Variants in GRIK4 observed in about 807,000 individuals in gnomAD.
GRIK4 encodes the protein glutamate receptor ionotropic, kainate 4.
A neutral mutation model predicts 104.9 loss-of-function variants in GRIK4; 40 were observed. That is an observed-to-expected ratio of 0.38 (90% confidence interval 0.30 to 0.50). The LOEUF is 0.50. GRIK4 is among the 20% of genes least tolerant of loss of function. The probability of loss-of-function intolerance (pLI) is 0.93; values close to 1 mark genes in which losing one functional copy is unlikely to be tolerated. For synonymous variants in GRIK4, 485 were observed against 524.9 expected (o/e 0.92, Z 1.04); for missense variants, 1,047 against 1,308.1 (o/e 0.80, Z 3.08).
intron 13 of GRIK4, among the ~76,000 whole-genome samples, chr11:120,921,423 A>G (rs1943225683): frequency 6.6e-6 from 1 of 152,252 alleles, no homozygotes; most frequent in South Asian, 2.1e-4. Flanking sequence ...ATGCCAAAGC[A>G]CTTGGAGCCT....
chr11:120,548,790 C>T (rs923335996), intron 1 of GRIK4, among the ~76,000 whole-genome samples: 4 of 152,128 alleles, frequency 2.6e-5, no homozygotes, highest in African/African-American at 9.7e-5. Context: ...CACACAAAAC[C>T]CTGAAATCCC....
chr11:120,652,467 G>A (rs977804674), intron 1 of GRIK4, among the ~76,000 whole-genome samples: 1 of 152,152 alleles, frequency 6.6e-6, no homozygotes, highest in Admixed American at 6.5e-5. Flanking sequence ...CCCTCAAGGA[G>A]GCCACAGAGG....
At chr11:120,624,363 G>GC (rs1432822469) in intron 1 of GRIK4, among the ~76,000 whole-genome samples, 2 of 151,944 alleles carry the variant, frequency 1.3e-5, no homozygotes, top group Non-Finnish European at 2.9e-5. Flanking sequence ...CTCCATTGGT[G>GC]CCCCCTCCCT....
chr11:120,844,932 T>C (rs1014668460), intron 8 of GRIK4, among the ~76,000 whole-genome samples: 8 of 152,190 alleles, frequency 5.3e-5, no homozygotes, highest in African/African-American at 1.9e-4. Context: ...TCAGGCTGAT[T>C]GTGACAAGTG....
intron 3 of GRIK4, among the ~76,000 whole-genome samples, chr11:120,766,397 G>A (rs1951840728): frequency 6.6e-6 from 1 of 152,214 alleles, no homozygotes; most frequent in Non-Finnish European, 1.5e-5. Flanking sequence ...GCTCAGTGAG[G>A]GTGGGATCCA....
chr11:120,844,628 C>A (rs187835427), intron 8 of GRIK4, among the ~76,000 whole-genome samples: 1 of 152,280 alleles, frequency 6.6e-6, no homozygotes, highest in Admixed American at 6.5e-5. Flanking sequence ...CACAAAGGAA[C>A]CTATCTGCGT....
In GRIK4 at chr11:120,642,339, G is replaced by GA. The variant is rs202153012; in HGVS notation, c.-158-11340dup. Among the ~76,000 whole-genome samples, 244 of 152,078 alleles carry GA rather than the reference G, an allele frequency of 1.6e-3. 4 individuals are homozygous for GA. In the East Asian group the frequency reaches 0.033, roughly 21 times the overall value. On this transcript the variant is annotated intron_variant, in intron 1 of 20. Transcript: ENST00000527524. ...TGGAGTAAGACCTCCATCTGTAAGG[G>GA]AAAAAACAAAACAAAACAGGTCACT...
chr11:120,656,957 A>C (rs1037699331), intron 2 of GRIK4, among the ~76,000 whole-genome samples: 1 of 152,230 alleles, frequency 6.6e-6, no homozygotes, highest in Non-Finnish European at 1.5e-5. Flanking sequence ...GTCATCAAAT[A>C]AAATTTACAC....
chr11:120,857,979 C>G (rs1055624316), intron 8 of GRIK4, among the ~76,000 whole-genome samples: 2 of 152,336 alleles, frequency 1.3e-5, no homozygotes, highest in African/African-American at 4.8e-5. Flanking sequence ...CTTGGCTTTA[C>G]CAGGTCCCAT....
At chr11:120,633,451 TGC>T (rs1949355848) in intron 1 of GRIK4, among the ~76,000 whole-genome samples, 1 of 152,210 alleles carries the variant, frequency 6.6e-6, no homozygotes, top group Non-Finnish European at 1.5e-5. Flanking sequence ...CACATGTGTG[TGC>T]TCGCATGCAC....
chr11:120,875,228 G>A lies in GRIK4; in HGVS notation c.1149G>A (p.Arg383=). Residue 383 remains arginine, a synonymous_variant, in exon 11 of 21, where the codon AGG becomes AGA. Coordinates refer to ENST00000527524, the MANE Select transcript of GRIK4 (RefSeq NM_014619.5). Reference sequence around the variant, plus strand: ...CTTTGAAAATCTTACAGTTCACAAGGAATGGTTTTCGGCAGGTAAGCCTAG... The same window carrying A: ...CTTTGAAAATCTTACAGTTCACAAGAAATGGTTTTCGGCAGGTAAGCCTAG... ...NYALKILQFT[R]NGFRQIGQWH... 1 of 1,611,700 alleles carries A rather than the reference G, an allele frequency of 6.2e-7. No individual in the cohort carries two copies. The highest frequency in any genetic ancestry group is 8.5e-7 in the Non-Finnish European group (1 of 1,177,776).
chr11:120,866,900 C>A (rs892588277), intron 9 of GRIK4, among the ~76,000 whole-genome samples: 1 of 152,212 alleles, frequency 6.6e-6, no homozygotes, highest in Non-Finnish European at 1.5e-5. Flanking sequence ...TCCTGTAGCC[C>A]TTCCCATGAA....
intron 3 of GRIK4, among the ~76,000 whole-genome samples, chr11:120,722,018 A>C (rs1950940949): frequency 1.3e-5 from 2 of 152,136 alleles, no homozygotes; most frequent in Non-Finnish European, 2.9e-5. Context: ...TCTTAAGCTC[A>C]GAGAGGTTAA....
At chr11:120,516,177 G>A (rs963787770) in intron 1 of GRIK4, among the ~76,000 whole-genome samples, 1 of 152,244 alleles carries the variant, frequency 6.6e-6, no homozygotes, top group Non-Finnish European at 1.5e-5. Context: ...TGTTTGGGGG[G>A]TGGGCAGGAC....
At chr11:120,805,094 T>C (rs185991906) in intron 4 of GRIK4, among the ~76,000 whole-genome samples, 1 of 152,354 alleles carries the variant, frequency 6.6e-6, no homozygotes, top group Admixed American at 6.5e-5. Flanking sequence ...ACAAGAATCC[T>C]AGTTGTCATA....
At chr11:120,558,098 C>G (rs1948205352) in intron 1 of GRIK4, among the ~76,000 whole-genome samples, 1 of 151,008 alleles carries the variant, frequency 6.6e-6, no homozygotes, top group Admixed American at 6.6e-5. Context: ...AACAGAATCT[C>G]TGTTTTGACA....
intron 9 of GRIK4, among the ~76,000 whole-genome samples, chr11:120,863,385 G>C (rs532807252): frequency 6.6e-6 from 1 of 152,332 alleles, no homozygotes; most frequent in South Asian, 2.1e-4. Context: ...ATATAGCCTA[G>C]GAGTGTAGTA....
rs1944410503 is a variant in GRIK4 at position 120,967,821 on chromosome 11, CTCTCT to C, written c.2395+504_2395+508del. Among the ~76,000 whole-genome samples the C allele has an allele frequency of 1.3e-5, 2 of 152,052 alleles. No individual in the cohort carries two copies. Among genetic ancestry groups the C allele is most frequent in the Admixed American group, 1.3e-4 (2 of 15,270 alleles). ...TGTGATCTGTTCCCCCTCAGCCTTC[CTCTCT>C]TCTCTGTGGTCCCCAAGCCTCCCAT... On this transcript the variant is annotated intron_variant, in intron 19 of 20. Transcript: ENST00000527524. This position sits in a 1 kb window ranked among gnomAD's most constrained non-coding sequence, Gnocchi z 4.2.
At chr11:120,863,811 T>G (rs1337789757) in intron 9 of GRIK4, among the ~76,000 whole-genome samples, 2 of 152,202 alleles carry the variant, frequency 1.3e-5, no homozygotes, top group Non-Finnish European at 2.9e-5. Flanking sequence ...TTAATGACCT[T>G]TCACAAAACT....
Sources: allele counts gnomAD v4.1 joint callset (sites outside exome capture counted in the v4.1 genomes callset), GRCh38; gene constraint gnomAD v4.1.1; non-coding constraint Gnocchi (gnomAD v3.1); transcripts MANE v1.5; gene names NCBI Gene and HGNC (gene_info 2026-07-23, HGNC 2026-07-21).